Variants in MMP7 observed in about 807,000 individuals in gnomAD.
MMP7 encodes the protein matrix metallopeptidase 7, also known as matrilysin.
In MMP7, 26 loss-of-function variants were observed where a neutral mutation model predicts 31.5. The observed-to-expected ratio is 0.83, with a 90% CI of 0.61 to 1.15. The LOEUF is 1.15. MMP7 is among the 50% of genes most tolerant of loss of function. The probability of loss-of-function intolerance (pLI) is 0.00; values close to 1 mark genes in which losing one functional copy is unlikely to be tolerated. For missense variants in MMP7, 367 were observed against 326.5 expected (o/e 1.12, Z -0.96); for synonymous variants, 142 against 124.2 (o/e 1.14, Z -0.95).
rs1555069373 is a variant in MMP7 at position 102,526,225 on chromosome 11, A to AAAT, written c.485-1162_485-1161insATT. ...TAGAAAAACCCACGTAAAAAAAAAA[A>AAAT]ATATATATATATATATTTTTTTTTT... On this transcript the variant is annotated intron_variant, in intron 3 of 5. Coordinates refer to ENST00000260227, the MANE Select transcript of MMP7 (RefSeq NM_002423.5). 7.2e-3 allele frequency among the ~76,000 whole-genome samples: 927 copies of AAAT among 127,974 alleles called. 18 individuals carry two copies. Among genetic ancestry groups the AAAT allele is most frequent in the Non-Finnish European group, 7.1e-3 (436 of 60,980 alleles). The allele number at this position is 127,974 out of a possible 152,430, so 84.0% of individuals were successfully genotyped here.
chr11:102,523,042 C>A (rs1418057815), intron 5 of MMP7, among the ~76,000 whole-genome samples, 198 bp downstream of exon 5: 1 of 152,156 alleles, frequency 6.6e-6, no homozygotes, highest in Non-Finnish European at 1.5e-5. Flanking sequence ...CTGAAACTCA[C>A]AATCAACATC....
intron 1 of MMP7, among the ~76,000 whole-genome samples, chr11:102,528,428 A>C (rs1858697829): frequency 6.6e-6 from 1 of 152,178 alleles, no homozygotes; most frequent in Non-Finnish European, 1.5e-5. Context: ...CTAAAAGTTA[A>C]AGGGTCTTAA....
intron 5 of MMP7, among the ~76,000 whole-genome samples, chr11:102,522,633 T>C (rs1438543536): frequency 1.3e-5 from 2 of 152,252 alleles, no homozygotes; most frequent in African/African-American, 4.8e-5. Context: ...CTTTGATTTC[T>C]TTCTCAAATA....
At chr11:102,522,056 T>G (rs1239988183) in intron 5 of MMP7, among the ~76,000 whole-genome samples, 1 of 152,230 alleles carries the variant, frequency 6.6e-6, no homozygotes, top group Non-Finnish European at 1.5e-5. Context: ...AGTTAAACAT[T>G]TGTTCAATAC....
intron 4 of MMP7, 76 bp downstream of exon 4, chr11:102,524,860 A>C (rs760962740): frequency 8.1e-6 from 12 of 1,473,912 alleles, no homozygotes; most frequent in African/African-American, 5.7e-5. Flanking sequence ...ATTATAAATT[A>C]ATATAATTAT....
intron 1 of MMP7, among the ~76,000 whole-genome samples, chr11:102,528,226 C>A (rs369550565): frequency 2.6e-5 from 4 of 152,256 alleles, no homozygotes; most frequent in African/African-American, 9.6e-5. Flanking sequence ...TTAAAAAATC[C>A]ATTTAAATGT....
In MMP7 at chr11:102,527,730, G is replaced by A. The variant is rs532032922; in HGVS notation, c.335+27C>T. The A allele has an allele frequency of 4.7e-5, 76 of 1,613,426 alleles. 1 individual carries two copies. In the South Asian group the frequency reaches 8.4e-4, roughly 18 times the overall value. On this transcript the variant is annotated intron_variant, in intron 2 of 5. Coordinates refer to ENST00000260227, the MANE Select transcript of MMP7 (RefSeq NM_002423.5). ...CTAGGAAACAGGCTTTATTGTTTTT[G>A]CCAAAATGAGCCAGAGCAAAACTAA...
intron 3 of MMP7, among the ~76,000 whole-genome samples, chr11:102,525,603 A>G (rs923035640): frequency 6.6e-6 from 1 of 152,118 alleles, no homozygotes; most frequent in Admixed American, 6.6e-5. Flanking sequence ...CCATATATTG[A>G]AAGCTTACTG....
In MMP7 at chr11:102,524,940, A is replaced by G; in HGVS notation, c.609T>C (p.Ser203=). 1 of 1,613,722 alleles carries G rather than the reference A, an allele frequency of 6.2e-7. No homozygotes were observed. The highest frequency in any genetic ancestry group is 2.2e-5 in the East Asian group (1 of 44,868). The change falls in exon 4 of 6, where the codon AGT becomes AGC. Residue 203 remains serine (S), a synonymous_variant. Transcript: ENST00000260227. ...DEDERWTDGS[S]LGINFLYAAT... ...AAGAGACATGAGATGCTATACCTAGACTGCTACCATCCGTCCAGCGTTCAT... is the reference window on the plus strand; with the variant it reads ...AAGAGACATGAGATGCTATACCTAGGCTGCTACCATCCGTCCAGCGTTCAT...
intron 1 of MMP7, 97 bp downstream of exon 1, chr11:102,530,496 C>T: frequency 1.0e-6 from 1 of 963,836 alleles, no homozygotes; most frequent in South Asian, 1.4e-5. Flanking sequence ...GAAAATTCCA[C>T]TGCAATGCTA....
chr11:102,527,272 C>A, intron 3 of MMP7: 1 of 478,416 alleles, frequency 2.1e-6, no homozygotes, highest in Non-Finnish European at 3.7e-6. Context: ...TCCAGTAAAA[C>A]TTTATTTACA....
chr11:102,525,763 G>GTTTTTTTTTTTTTTTTTTT (rs61047680), intron 3 of MMP7, among the ~76,000 whole-genome samples: 1 of 139,910 alleles, frequency 7.1e-6, no homozygotes. Context: ...CATTTCATAG[G>GTTTTTTTTTTTTTTTTTTT]TTTTTTTTTT....
intron 1 of MMP7, 74 bp from the exon 2 acceptor site, chr11:102,528,057 T>G: frequency 9.6e-7 from 1 of 1,043,210 alleles, no homozygotes; most frequent in Non-Finnish European, 1.4e-6. Context: ...TATATATCTC[T>G]TGCCTTTGGT....
At chr11:102,528,863 A>G (rs572932048) in intron 1 of MMP7, among the ~76,000 whole-genome samples, 5 of 152,236 alleles carry the variant, frequency 3.3e-5, no homozygotes, top group Non-Finnish European at 5.9e-5. Context: ...CACTTACTAG[A>G]GCCAGGCACT....
Position 102,520,727 on chromosome 11 carries a change from A to G in MMP7, c.*49T>C, listed in dbSNP as rs770421420. 3.5e-6 allele frequency: 5 copies of G among 1,434,076 alleles called. No homozygotes were observed. The highest frequency in any genetic ancestry group is 4.5e-5 in the East Asian group (2 of 43,964). 88.8% of individuals were successfully genotyped at this position (1,434,076 alleles called of 1,614,324 possible). A position where few individuals can be genotyped will look rare whatever the true frequency, so the allele number is the denominator to read the frequency against. The stretch of plus-strand genomic sequence containing the variant: ...GCTTATCAATTCTGATTGTGCAACA[A>G]TGATATACAATCCAATGAATGAATG... On this transcript the variant is annotated 3_prime_UTR_variant, in exon 6 of 6. Coordinates refer to ENST00000260227, the MANE Select transcript of MMP7 (RefSeq NM_002423.5).
intron 3 of MMP7, among the ~76,000 whole-genome samples, chr11:102,526,241 T>TGTATA (rs59390667): frequency 5.8e-5 from 7 of 120,732 alleles, no homozygotes; most frequent in African/African-American, 2.2e-4. Context: ...TATATATATA[T>TGTATA]TTTTTTTTTT....
chr11:102,527,745 A>G lies in MMP7; in HGVS notation c.335+12T>C, dbSNP rs775544695. 1.6e-5 allele frequency: 26 copies of G among 1,613,952 alleles called. No individual in the cohort carries two copies. The highest frequency in any genetic ancestry group is 1.6e-4 in the Middle Eastern group (1 of 6,084). ...TATTGTTTTTGCCAAAATGAGCCAGAGCAAAACTAACCTGTAGGTGACCAC... is the reference window on the plus strand; with the variant it reads ...TATTGTTTTTGCCAAAATGAGCCAGGGCAAAACTAACCTGTAGGTGACCAC... On this transcript the variant is annotated intron_variant, in intron 2 of 5. Coordinates refer to ENST00000260227, the MANE Select transcript of MMP7 (RefSeq NM_002423.5).
rs139651841 is a variant in MMP7 at position 102,527,840 on chromosome 11, C to T, written c.252G>A (p.Lys84=). Residue 84 remains lysine, a synonymous_variant, in exon 2 of 6, where the codon AAG becomes AAA. Coordinates refer to ENST00000260227, the MANE Select transcript of MMP7 (RefSeq NM_002423.5). ...CAACATCTGGCACTCCACATCTGGG[C>T]TTCTGCATTATTTCTATGACGCGGG... is the stretch of plus-strand genomic sequence containing the variant. ...LNSRVIEIMQ[K]PRCGVPDVAE... 6.2e-7 allele frequency: 1 copy of T among 1,614,028 alleles called. No homozygotes were observed. Among genetic ancestry groups the T allele is most frequent in the African/African-American group, 1.3e-5 (1 of 74,924 alleles).
chr11:102,527,444 C>G, intron 3 of MMP7, 80 bp downstream of exon 3: 1 of 1,528,606 alleles, frequency 6.5e-7, no homozygotes, highest in Non-Finnish European at 9.1e-7. Flanking sequence ...GGATTTTAAT[C>G]TTCATAAGAA....
Sources: allele counts gnomAD v4.1 joint callset (sites outside exome capture counted in the v4.1 genomes callset), GRCh38; gene constraint gnomAD v4.1.1; transcripts MANE v1.5; gene names NCBI Gene and HGNC (gene_info 2026-07-23, HGNC 2026-07-21).